The following PHAF1 variants were observed in gnomAD, a reference collection of about 807,000 sequenced individuals.
The protein encoded by PHAF1 is phagosome assembly factor 1.
A neutral mutation model predicts 63.1 loss-of-function variants in PHAF1; 23 were observed. The observed-to-expected ratio is 0.36, with a 90% confidence interval of 0.26 to 0.52. PHAF1 has a LOEUF of 0.52. Ranked by LOEUF, PHAF1 falls within the 20% of genes least tolerant of loss-of-function variation. PHAF1 has a pLI of 0.93. For synonymous variants in PHAF1, 167 were observed against 185.0 expected, an observed-to-expected ratio of 0.90 and a Z score of 0.79; for missense variants, 427 against 517.2, an observed-to-expected ratio of 0.83 and a Z score of 1.69.
chr16:67,137,341 CAG>C (rs911778280), intron 8 of PHAF1, among the ~76,000 whole-genome samples: 1 of 152,054 alleles, frequency 6.6e-6, no homozygotes, highest in Non-Finnish European at 1.5e-5. Flanking sequence ...TGTTTTTTGA[CAG>C]AGTCTTGCTG....
chr16:67,117,199 A>AAT (rs1962770414), intron 1 of PHAF1, among the ~76,000 whole-genome samples: 1 of 111,980 alleles, frequency 8.9e-6, no homozygotes, highest in African/African-American at 4.0e-5. Flanking sequence ...TGCCCAGCTA[A>AAT]TTTTTTTTTT....
At chr16:67,118,743 T>C (rs1240406853) in intron 1 of PHAF1, among the ~76,000 whole-genome samples, 1 of 151,690 alleles carries the variant, frequency 6.6e-6, no homozygotes, top group Non-Finnish European at 1.5e-5. Flanking sequence ...ATTCATTGAT[T>C]CTGGTGGATG....
intron 14 of PHAF1, 100 bp downstream of exon 14, chr16:67,145,728 G>T: frequency 1.6e-6 from 2 of 1,287,094 alleles, no homozygotes; most frequent in South Asian, 2.8e-5. Flanking sequence ...AAAAATTACA[G>T]AAGTTTCTGA....
chr16:67,128,572 C>T (rs1963275097), intron 3 of PHAF1, among the ~76,000 whole-genome samples: 1 of 152,202 alleles, frequency 6.6e-6, no homozygotes, highest in Admixed American at 6.5e-5. Context: ...CTTTATAAGT[C>T]ACAACCTTTA....
At chr16:67,122,907 T>C (rs1963042542) in intron 2 of PHAF1, among the ~76,000 whole-genome samples, 1 of 151,994 alleles carries the variant, frequency 6.6e-6, no homozygotes, top group African/African-American at 2.4e-5. Context: ...TTTTGTATTT[T>C]TAGCAGAGAT....
chr16:67,119,119 C>G (rs1962873063), intron 1 of PHAF1, among the ~76,000 whole-genome samples: 1 of 152,070 alleles, frequency 6.6e-6, no homozygotes, highest in Non-Finnish European at 1.5e-5. Context: ...GTCATGTACT[C>G]TAATAGGCCT....
At chr16:67,132,631 G>A (rs1963448285) in intron 5 of PHAF1, 106 bp downstream of exon 5, 1 of 1,339,822 alleles carries the variant, frequency 7.5e-7, no homozygotes, top group East Asian at 2.3e-5. Flanking sequence ...GGCTCCCATA[G>A]GATTGTGGGG....
intron 2 of PHAF1, among the ~76,000 whole-genome samples, chr16:67,121,788 CA>C (rs1216520169): frequency 2.6e-5 from 4 of 152,086 alleles, no homozygotes; most frequent in Non-Finnish European, 4.4e-5. Context: ...CCGTGTTGGT[CA>C]GGCTGGTCTC....
At chr16:67,122,570 CAAAAAA>C (rs912852837) in intron 2 of PHAF1, among the ~76,000 whole-genome samples, 1 of 84,296 alleles carries the variant, frequency 1.2e-5, no homozygotes, top group Non-Finnish European at 2.9e-5. Context: ...GACCCTGTCT[CAAAAAA>C]AAAAAAAAAA....
chr16:67,113,694 C>T (rs947938471), intron 1 of PHAF1, among the ~76,000 whole-genome samples: 7 of 151,550 alleles, frequency 4.6e-5, no homozygotes, highest in African/African-American at 1.7e-4. Context: ...CGTGATCCGC[C>T]CACCTCGGCC....
In PHAF1 at chr16:67,119,645, C is replaced by T. The variant is rs141813939; in HGVS notation, c.65-467C>T. 6.9e-3 allele frequency among the ~76,000 whole-genome samples: 1,036 copies of T among 151,160 alleles called. 26 individuals are homozygous for T. Among genetic ancestry groups the T allele is most frequent in the Admixed American group, 0.043 (659 of 15,194 alleles). On this transcript the variant is annotated intron_variant, in intron 1 of 15. Transcript: ENST00000219139. The stretch of plus-strand genomic sequence containing the variant: ...AAGCATTTCTCCTGCCTCAGCCTCC[C>T]GGGTAGCTGGGACTACAAGGGCAGC...
At chr16:67,144,179 C>T (rs188972630) in intron 10 of PHAF1, 115 bp from the exon 11 acceptor site, 3 of 695,678 alleles carry the variant, frequency 4.3e-6, no homozygotes, top group East Asian at 2.6e-5. Flanking sequence ...GTGATGCCTG[C>T]AGGCATTCTT....
intron 1 of PHAF1, among the ~76,000 whole-genome samples, chr16:67,113,750 C>CTTT (rs35147105): frequency 7.4e-6 from 1 of 135,334 alleles, no homozygotes; most frequent in African/African-American, 2.7e-5. Context: ...CACCCAGCCT[C>CTTT]TTTTTTTTTT....
chr16:67,143,026 G>A (rs1243347568), intron 10 of PHAF1, among the ~76,000 whole-genome samples: 1 of 152,128 alleles, frequency 6.6e-6, no homozygotes, highest in African/African-American at 2.4e-5. Flanking sequence ...GAGGTCACGG[G>A]CCCAAGCAGC....
chr16:67,118,796 A>ATT (rs1962859730), intron 1 of PHAF1, among the ~76,000 whole-genome samples: 1 of 90,182 alleles, frequency 1.1e-5, no homozygotes, highest in African/African-American at 5.0e-5. Flanking sequence ...TTTTTTTGAG[A>ATT]TAGGGTCTTG....
intron 1 of PHAF1, among the ~76,000 whole-genome samples, chr16:67,112,848 C>G (rs771870203): frequency 6.6e-6 from 1 of 152,164 alleles, no homozygotes; most frequent in Non-Finnish European, 1.5e-5. Flanking sequence ...TGGTGTCTGC[C>G]TGAGAGATGG....
chr16:67,133,501 TAAA>T (rs757439473), intron 6 of PHAF1, among the ~76,000 whole-genome samples: 4 of 99,764 alleles, frequency 4.0e-5, no homozygotes, highest in East Asian at 2.8e-4. Flanking sequence ...CCAAAAATAT[TAAA>T]AAAAAAAAAA....
Position 67,125,970 on chromosome 16 carries a change from C to T in PHAF1, c.159C>T (p.Ser53=). 1 of 1,611,070 alleles carries T rather than the reference C, an allele frequency of 6.2e-7. No individual in the cohort carries two copies. The highest frequency in any genetic ancestry group is 1.3e-5 in the African/African-American group (1 of 74,980). Reference sequence around the variant, plus strand: ...TTTTTGTTTTGTAGTCTCCTCTAAGCCATGACCTCATTCTTAACCTGACTC... The same window carrying T: ...TTTTTGTTTTGTAGTCTCCTCTAAGTCATGACCTCATTCTTAACCTGACTC... ...QVLYSEQSPL[S]HDLILNLTQD... Residue 53 remains serine, a synonymous_variant, in exon 3 of 16, where the codon AGC becomes AGT. Transcript: ENST00000219139.
intron 1 of PHAF1, among the ~76,000 whole-genome samples, chr16:67,117,621 C>T (rs967903372): frequency 1.3e-5 from 2 of 151,230 alleles, no homozygotes; most frequent in Non-Finnish European, 2.9e-5. Context: ...CTAAAAAATA[C>T]AAAAAATTAG....
Sources: gnomAD v4.1 joint callset for allele counts (sites outside exome capture counted in the v4.1 genomes callset) on GRCh38, gnomAD v4.1.1 for gene constraint, MANE v1.5 for transcripts, NCBI Gene and HGNC (gene_info 2026-07-23, HGNC 2026-07-21) for gene names.